The following ATP8A1 variants were observed in gnomAD, a reference collection of about 807,000 sequenced individuals.
The protein encoded by ATP8A1 is phospholipid-transporting ATPase IA.
A neutral mutation model predicts 177.7 loss-of-function variants in ATP8A1; 90 were observed. That is an observed-to-expected ratio of 0.51 (90% CI 0.43 to 0.60). ATP8A1 has a LOEUF of 0.60. Among genes scored for constraint, ATP8A1 ranks in the 20% least tolerant of loss-of-function variants. ATP8A1 has a pLI of 0.00. For missense variants in ATP8A1, 1,072 were observed against 1,392.8 expected (o/e 0.77, Z 3.67); for synonymous variants, 493 against 485.9 (o/e 1.01, Z -0.19).
At chr4:42,499,412 A>C (rs1723594483) in intron 24 of ATP8A1, among the ~76,000 whole-genome samples, 1 of 152,228 alleles carries the variant, frequency 6.6e-6, no homozygotes, top group Non-Finnish European at 1.5e-5. Context: ...CTGGGGACAG[A>C]TCCCACAACT....
intron 6 of ATP8A1, chr4:42,594,297 G>GAGAA: frequency 6.3e-7 from 1 of 1,594,786 alleles, no homozygotes; most frequent in Non-Finnish European, 8.6e-7. Context: ...ACCTTGATGA[G>GAGAA]AGAAGTACAG....
chr4:42,427,788 C>G (rs1045033959), intron 33 of ATP8A1, among the ~76,000 whole-genome samples: 2 of 152,194 alleles, frequency 1.3e-5, no homozygotes, highest in Non-Finnish European at 2.9e-5. Flanking sequence ...AGAGTCACAG[C>G]GCAGAGCAGC....
chr4:42,419,726 G>A (rs1383770121), intron 35 of ATP8A1, among the ~76,000 whole-genome samples: 1 of 152,212 alleles, frequency 6.6e-6, no homozygotes, highest in African/African-American at 2.4e-5. Flanking sequence ...AGTTTTGGCT[G>A]GGTGCAGTGG....
intron 14 of ATP8A1, among the ~76,000 whole-genome samples, chr4:42,570,936 G>A (rs1731841272): frequency 6.6e-6 from 1 of 152,146 alleles, no homozygotes; most frequent in South Asian, 2.1e-4. Context: ...TTGTCTGTAT[G>A]ATTACTTAAT....
At chr4:42,600,452 G>A in intron 6 of ATP8A1, 26 bp downstream of exon 6, 1 of 1,592,106 alleles carries the variant, frequency 6.3e-7, no homozygotes, top group South Asian at 1.2e-5. Flanking sequence ...TTCTTCTCCT[G>A]GAACAAAATA....
chr4:42,536,757 G>T (rs753588772), intron 20 of ATP8A1, among the ~76,000 whole-genome samples: 2 of 152,188 alleles, frequency 1.3e-5, no homozygotes, highest in Non-Finnish European at 2.9e-5. Context: ...GATCAAGTGG[G>T]TTTCATACCA....
chr4:42,506,191 T>C (rs570634799), intron 23 of ATP8A1, among the ~76,000 whole-genome samples: 17 of 152,292 alleles, frequency 1.1e-4, no homozygotes, highest in Non-Finnish European at 2.1e-4. Context: ...TGAAACCCAG[T>C]CACTAGTATG....
intron 24 of ATP8A1, among the ~76,000 whole-genome samples, chr4:42,491,260 T>C (rs1578040073): frequency 6.6e-6 from 1 of 152,176 alleles, no homozygotes; most frequent in Non-Finnish European, 1.5e-5. Flanking sequence ...GGAGAAATAA[T>C]ATTTATTTGG....
chr4:42,423,805 C>T, intron 33 of ATP8A1, 100 bp from the exon 34 acceptor site: 1 of 760,744 alleles, frequency 1.3e-6, no homozygotes, highest in Non-Finnish European at 2.2e-6. Context: ...TTAAGAATAT[C>T]ATTCTGTAAG....
At chr4:42,537,989 C>T (rs373087309) in intron 20 of ATP8A1, among the ~76,000 whole-genome samples, 2 of 152,272 alleles carry the variant, frequency 1.3e-5, no homozygotes, top group South Asian at 2.1e-4. Context: ...GGAGGCATCA[C>T]ATAACCTGAC....
chr4:42,514,952 GAC>G (rs1473420650), intron 22 of ATP8A1, among the ~76,000 whole-genome samples: 10 of 152,120 alleles, frequency 6.6e-5, no homozygotes, highest in Non-Finnish European at 1.2e-4. Flanking sequence ...ACGTACTTAT[GAC>G]ACAGTTATAT....
intron 24 of ATP8A1, among the ~76,000 whole-genome samples, chr4:42,501,202 T>C (rs959815630): frequency 6.6e-6 from 1 of 152,178 alleles, no homozygotes; most frequent in Non-Finnish European, 1.5e-5. Context: ...GATGAGGAAA[T>C]AGTATTTTCT....
intron 15 of ATP8A1, chr4:42,562,321 T>C (rs1433007406): frequency 6.6e-6 from 1 of 152,294 alleles, no homozygotes; most frequent in African/African-American, 2.4e-5. Flanking sequence ...GTGGAGGTGG[T>C]TGTCAGGGAG....
intron 25 of ATP8A1, among the ~76,000 whole-genome samples, chr4:42,467,630 T>A (rs906919997): frequency 6.6e-6 from 1 of 152,102 alleles, no homozygotes; most frequent in Admixed American, 6.5e-5. Context: ...GAAGTGGAGG[T>A]TGCAGTGAGC....
chr4:42,614,230 A>T (rs1372208842), intron 5 of ATP8A1, among the ~76,000 whole-genome samples: 1 of 152,104 alleles, frequency 6.6e-6, no homozygotes, highest in Non-Finnish European at 1.5e-5. Context: ...GTAGCCCAAA[A>T]TCATCATAGC....
At chr4:42,613,886 A>ATT (rs56982939) in intron 5 of ATP8A1, among the ~76,000 whole-genome samples, 4 of 148,484 alleles carry the variant, frequency 2.7e-5, no homozygotes, top group African/African-American at 9.9e-5. Flanking sequence ...GCCTGGCCTC[A>ATT]TTTTTTTTTT....
At chr4:42,539,621 C>T (rs751085044) in intron 20 of ATP8A1, among the ~76,000 whole-genome samples, 6 of 151,884 alleles carry the variant, frequency 4.0e-5, no homozygotes, top group Non-Finnish European at 7.4e-5. Flanking sequence ...ATCTAGGGAA[C>T]CCAGAAATAA....
At position 42,455,568 on chromosome 4, in the gene ATP8A1, C is replaced by A; in HGVS notation, c.2651G>T (p.Gly884Val). The stretch of plus-strand genomic sequence containing the variant: ...ACACCATCTTTCAAAGAGGATCTGT[C>A]CAGAAAAGCCATTAACAAAGGCAAA... Reference protein sequence around the residue: ...IWFAFVNGFSGQILFERWCIG... With the variant: ...IWFAFVNGFSVQILFERWCIG... The change falls in exon 28 of 37, where the codon GGA becomes GTA. Residue 884 changes from glycine to valine, a missense_variant. Coordinates refer to ENST00000381668, the MANE Select transcript of ATP8A1 (RefSeq NM_006095.2). 6.2e-7 allele frequency: 1 copy of A among 1,613,528 alleles called. No individual in the cohort carries two copies. The highest frequency in any genetic ancestry group is 1.1e-5 in the South Asian group (1 of 90,980).
Position 42,443,570 on chromosome 4 carries a change from C to G in ATP8A1, c.3118G>C (p.Gly1040Arg), listed in dbSNP as rs1461897954. Residue 1040 changes from glycine (G) to arginine (R), a missense_variant, in exon 33 of 37, where the codon GGA (glycine) becomes CGA (arginine). By Grantham distance (125) the Gly-to-Arg change is moderately radical. Coordinates refer to ENST00000381668, the MANE Select transcript of ATP8A1 (RefSeq NM_006095.2). ...GAGTTATTAGCGCACATTACCTCTCCTGACATATCAGGGGCCATCGGAATG... is the reference window on the plus strand; with the variant it reads ...GAGTTATTAGCGCACATTACCTCTCGTGACATATCAGGGGCCATCGGAATG... ...PAIPMAPDMS[G>R]EAAMLFSSGV... 3 of 1,283,714 alleles carry G rather than the reference C, an allele frequency of 2.3e-6. No individual in the cohort carries two copies. Among genetic ancestry groups the G allele is most frequent in the Non-Finnish European group, 3.4e-6 (3 of 878,588 alleles). The allele number at this position is 1,283,714 out of a possible 1,614,324, so 79.5% of individuals were successfully genotyped here.
Sources: allele counts gnomAD v4.1 joint callset (sites outside exome capture counted in the v4.1 genomes callset), GRCh38; gene constraint gnomAD v4.1.1; transcripts MANE v1.5; gene names NCBI Gene and HGNC (gene_info 2026-07-23, HGNC 2026-07-21).